The following PPDPFL variants were observed in gnomAD, a reference collection of about 807,000 sequenced individuals.
The protein encoded by PPDPFL is pancreatic progenitor cell differentiation and proliferation factor-like protein.
Under a neutral mutation model 12.6 loss-of-function variants are expected in PPDPFL, and 12 were observed. The ratio of observed to expected loss-of-function variants is 0.95; its 90% CI spans 0.61 to 1.54. The LOEUF is 1.54. Among genes scored for constraint, PPDPFL ranks in the 40% most tolerant of loss-of-function variants. PPDPFL has a pLI of 0.00. For missense variants in PPDPFL, 114 were observed against 96.0 expected (o/e 1.19, Z -0.78); for synonymous variants, 24 against 32.7 (o/e 0.73, Z 0.91).
chr8:49,067,598 C>T (rs1808319108), upstream of PPDPFL, among the ~76,000 whole-genome samples: 1 of 152,218 alleles, frequency 6.6e-6, no homozygotes, highest in African/African-American at 2.4e-5. Context: ...GATTTCCATG[C>T]TCCAGAAAGC....
At chr8:49,067,011 C>T (rs1021700214) in intron 1 of PPDPFL, among the ~76,000 whole-genome samples, 4 of 152,198 alleles carry the variant, frequency 2.6e-5, no homozygotes, top group Middle Eastern at 3.2e-3. Context: ...ACCATCCTCC[C>T]ATTACATTGT....
intron 1 of PPDPFL, among the ~76,000 whole-genome samples, chr8:49,063,008 A>G (rs553577529): frequency 6.6e-6 from 1 of 152,176 alleles, no homozygotes; most frequent in Non-Finnish European, 1.5e-5. Flanking sequence ...AAAGGGACCT[A>G]AGGGTTGTTC....
At chr8:49,054,469 A>G (rs900623632) in intron 1 of PPDPFL, 6 of 152,188 alleles carry the variant, frequency 3.9e-5, no homozygotes, top group African/African-American at 1.4e-4. Context: ...ATAACGTACA[A>G]AAATATTTGT....
chr8:49,057,945 T>C (rs1808137846), intron 1 of PPDPFL, among the ~76,000 whole-genome samples: 1 of 152,176 alleles, frequency 6.6e-6, no homozygotes, highest in Admixed American at 6.5e-5. Context: ...ATATAACATT[T>C]TGAAGAACAC....
At chr8:49,065,180 G>C (rs1252112317) in intron 1 of PPDPFL, among the ~76,000 whole-genome samples, 1 of 152,154 alleles carries the variant, frequency 6.6e-6, no homozygotes, top group Non-Finnish European at 1.5e-5. Flanking sequence ...GCAGCTCAGA[G>C]AATCCTAAAC....
At chr8:49,072,257 T>G (rs2129245912), upstream of PPDPFL, 1 of 152,558 alleles carries the variant, frequency 6.6e-6, no homozygotes, top group Middle Eastern at 3.4e-3. Flanking sequence ...GCTGGCTGTG[T>G]GCCCACCTCA....
intron 1 of PPDPFL, among the ~76,000 whole-genome samples, chr8:49,066,878 G>C (rs920370701): frequency 1.3e-5 from 2 of 152,200 alleles, no homozygotes; most frequent in Non-Finnish European, 2.9e-5. Flanking sequence ...ACCTCCTCCC[G>C]TGTCCTGGCT....
In PPDPFL at chr8:49,060,889, G is replaced by A. The variant is rs542163696; in HGVS notation, c.-45+6520G>A. Among the ~76,000 whole-genome samples, 32 of 152,216 alleles carry A rather than the reference G, an allele frequency of 2.1e-4. 1 individual carries two copies. Among genetic ancestry groups the A allele is most frequent in the African/African-American group, 7.2e-4 (30 of 41,516 alleles). ...TACTTATAATTGGTAAATTGTCTAAGTGATATCATGATGTAATTGATGAAG... is the reference window on the plus strand; with the variant it reads ...TACTTATAATTGGTAAATTGTCTAAATGATATCATGATGTAATTGATGAAG... On this transcript the variant is annotated intron_variant, in intron 1 of 4. Transcript: ENST00000517663.
chr8:49,058,477 G>T (rs1400585012), intron 1 of PPDPFL, among the ~76,000 whole-genome samples: 1 of 152,150 alleles, frequency 6.6e-6, no homozygotes, highest in Non-Finnish European at 1.5e-5. Context: ...TAAAAGATCA[G>T]CTTGCTGGAG....
chr8:49,062,912 A>G (rs1808236220), intron 1 of PPDPFL, among the ~76,000 whole-genome samples: 1 of 152,150 alleles, frequency 6.6e-6, no homozygotes, highest in African/African-American at 2.4e-5. Context: ...GAATTTACGG[A>G]GTGAAGGAGG....
chr8:49,054,492 T>C (rs1808082462), intron 1 of PPDPFL: 1 of 152,216 alleles, frequency 6.6e-6, no homozygotes, highest in Non-Finnish European at 1.5e-5. Flanking sequence ...ATTGATTGTT[T>C]ATGTTATTGG....
At chr8:49,070,984 T>C (rs1006649394), upstream of PPDPFL, among the ~76,000 whole-genome samples, 1 of 152,172 alleles carries the variant, frequency 6.6e-6, no homozygotes, top group Admixed American at 6.5e-5. Context: ...CTAGAAGTAT[T>C]CATCCCACAT....
At chr8:49,057,941 C>G (rs990805114) in intron 1 of PPDPFL, among the ~76,000 whole-genome samples, 1 of 152,058 alleles carries the variant, frequency 6.6e-6, no homozygotes, top group Admixed American at 6.6e-5. Context: ...CTATATATAA[C>G]ATTTTGAAGA....
intron 1 of PPDPFL, among the ~76,000 whole-genome samples, chr8:49,062,755 C>A (rs1171119909): frequency 6.6e-6 from 1 of 152,148 alleles, no homozygotes. Flanking sequence ...ATGGTGTTCC[C>A]AGGGCCAAGA....
intron 1 of PPDPFL, among the ~76,000 whole-genome samples, chr8:49,061,733 G>A (rs1402333132): frequency 1.3e-5 from 2 of 152,068 alleles, no homozygotes; most frequent in Non-Finnish European, 2.9e-5. Flanking sequence ...GCAGGTAAAG[G>A]GACTTGTGGC....
upstream of PPDPFL, among the ~76,000 whole-genome samples, chr8:49,069,879 G>A (rs952673457): frequency 1.3e-5 from 2 of 152,162 alleles, no homozygotes; most frequent in Non-Finnish European, 2.9e-5. Context: ...AACTTGCAGT[G>A]AGCCGAGATC....
chr8:49,061,891 C>T (rs1442885704), intron 1 of PPDPFL, among the ~76,000 whole-genome samples: 1 of 152,178 alleles, frequency 6.6e-6, no homozygotes, highest in Non-Finnish European at 1.5e-5. Flanking sequence ...ACATTTCAGT[C>T]AATGCATTAA....
intron 4 of PPDPFL, 42 bp from the exon 5 acceptor site, chr8:49,075,110 T>C: frequency 6.2e-7 from 1 of 1,606,398 alleles, no homozygotes; most frequent in Non-Finnish European, 8.5e-7. Context: ...AGTGTTTCAT[T>C]TATTTATCCC....
At chr8:49,068,010 T>A (rs996441779), upstream of PPDPFL, among the ~76,000 whole-genome samples, 4 of 152,224 alleles carry the variant, frequency 2.6e-5, no homozygotes, top group Admixed American at 1.3e-4. Context: ...AGGTAAAAAT[T>A]ACTCTAATTA....
Sources: allele counts gnomAD v4.1 joint callset (sites outside exome capture counted in the v4.1 genomes callset), GRCh38; gene constraint gnomAD v4.1.1; transcripts MANE v1.5; gene names NCBI Gene and HGNC (gene_info 2026-07-23, HGNC 2026-07-21).